Variants in SLC7A14 observed in about 807,000 individuals in gnomAD.
The protein encoded by SLC7A14 is gamma-aminobutyric acid transporter SLC7A14.
A neutral mutation model predicts 60.2 loss-of-function variants in SLC7A14; 37 were observed. The ratio of observed to expected loss-of-function variants is 0.61; its 90% CI spans 0.47 to 0.81. The LOEUF (loss-of-function observed/expected upper bound fraction) is 0.81, where lower values mean the gene tolerates loss of function less well. SLC7A14 is among the 30% of genes least tolerant of loss of function. The pLI, the probability that SLC7A14 is intolerant of heterozygous loss-of-function variation, is 0.00. For synonymous variants in SLC7A14, 399 were observed against 395.8 expected, an observed-to-expected ratio of 1.01 and a Z score of -0.10; for missense variants, 886 against 982.7, an observed-to-expected ratio of 0.90 and a Z score of 1.32.
Position 170,486,290 on chromosome 3 carries a change from T to C in SLC7A14, c.838A>G (p.Asn280Asp), listed in dbSNP as rs774477328. The C allele has an allele frequency of 9.9e-6, 16 of 1,614,116 alleles. No homozygotes were observed. The East Asian group carries it at 3.1e-4, about 31-fold the overall frequency. The change falls in exon 5 of 8, where the codon AAT (asparagine) becomes GAT (aspartate). Residue 280 changes from asparagine to aspartate, a missense_variant. Coordinates refer to ENST00000231706, the MANE Select transcript of SLC7A14 (RefSeq NM_020949.3). Reference protein sequence around the residue: ...IIATTGEEAKNPNTSIPYAIT... With the variant: ...IIATTGEEAKDPNTSIPYAIT... ...GCATAAGGGATGGACGTGTTGGGAT[T>C]CTTGGCTTCCTCTCCAGTGGTGGCG... is the stretch of plus-strand genomic sequence containing the variant.
chr3:170,585,587 C>G lies in SLC7A14; in HGVS notation c.-153+324G>C, dbSNP rs549333074. Reference sequence around the variant, plus strand: ...CGCGGCTCCCCTTCTGCCTCCCGCTCTAGCGGCGCCGGAGCCGCGCTGGCC... The same window carrying G: ...CGCGGCTCCCCTTCTGCCTCCCGCTGTAGCGGCGCCGGAGCCGCGCTGGCC... On this transcript the variant is annotated intron_variant, in intron 1 of 7. Coordinates refer to ENST00000231706, the MANE Select transcript of SLC7A14 (RefSeq NM_020949.3). This position sits in a 1 kb window ranked among gnomAD's most constrained non-coding sequence, Gnocchi z 5.1. 2.0e-5 allele frequency among the ~76,000 whole-genome samples: 3 copies of G among 152,286 alleles called. No homozygotes were observed. In the South Asian group the frequency reaches 6.2e-4, roughly 32 times the overall value.
At chr3:170,512,412 G>C (rs1713007067) in intron 2 of SLC7A14, among the ~76,000 whole-genome samples, 1 of 152,148 alleles carries the variant, frequency 6.6e-6, no homozygotes, top group South Asian at 2.1e-4. Flanking sequence ...TCATGACAGG[G>C]ATGCCAACAC....
At chr3:170,508,466 G>A (rs993835518) in intron 2 of SLC7A14, among the ~76,000 whole-genome samples, 4 of 152,190 alleles carry the variant, frequency 2.6e-5, no homozygotes, top group Admixed American at 1.3e-4. Context: ...TTCACACTGG[G>A]TAGGCAGGAA....
At chr3:170,513,968 ACTT>A (rs961533050) in intron 2 of SLC7A14, among the ~76,000 whole-genome samples, 21 of 152,156 alleles carry the variant, frequency 1.4e-4, no homozygotes, top group African/African-American at 5.1e-4. Flanking sequence ...TCTTCTGCCC[ACTT>A]CTTTTCTTTC....
At chr3:170,501,861 A>C (rs1331160898) in intron 2 of SLC7A14, among the ~76,000 whole-genome samples, 1 of 152,268 alleles carries the variant, frequency 6.6e-6, no homozygotes, top group Non-Finnish European at 1.5e-5. Context: ...AATTATTAAC[A>C]AGGAAATCTA....
chr3:170,504,011 C>A (rs1712691013), intron 2 of SLC7A14, among the ~76,000 whole-genome samples: 1 of 152,168 alleles, frequency 6.6e-6, no homozygotes, highest in African/African-American at 2.4e-5. Context: ...ACTAACCATA[C>A]AAGACAATTT....
At chr3:170,490,266 C>A (rs551921615) in intron 4 of SLC7A14, among the ~76,000 whole-genome samples, 1 of 152,184 alleles carries the variant, frequency 6.6e-6, no homozygotes, top group African/African-American at 2.4e-5. Context: ...GTCCTGCTTT[C>A]TCTTCCTTTA....
chr3:170,549,858 T>A (rs1004019169), intron 1 of SLC7A14, among the ~76,000 whole-genome samples: 5 of 152,194 alleles, frequency 3.3e-5, no homozygotes, highest in African/African-American at 1.2e-4. Context: ...ACAGTGAGGA[T>A]GGAAAGCAAT....
intron 1 of SLC7A14, among the ~76,000 whole-genome samples, chr3:170,536,960 G>A (rs1018782499): frequency 3.9e-5 from 6 of 152,140 alleles, no homozygotes; most frequent in Non-Finnish European, 5.9e-5. Context: ...CTGGCTGGAT[G>A]CCCATCTCAG....
chr3:170,580,666 G>C (rs2108319470), intron 1 of SLC7A14, among the ~76,000 whole-genome samples: 1 of 152,226 alleles, frequency 6.6e-6, no homozygotes, highest in Admixed American at 6.5e-5. Context: ...CTAAACAAAG[G>C]TAAACTAGAT....
chr3:170,511,226 C>T (rs1712970993), intron 2 of SLC7A14, among the ~76,000 whole-genome samples: 1 of 151,918 alleles, frequency 6.6e-6, no homozygotes, highest in African/African-American at 2.4e-5. Flanking sequence ...GGAGAAACCC[C>T]ATCTCTAACA....
chr3:170,486,335 A>AAGCGT lies in SLC7A14; in HGVS notation c.788_792dup (p.Phe265ThrfsTer35). On this transcript the variant is annotated frameshift_variant, in exon 5 of 8. Transcript: ENST00000231706. LOFTEE classifies it high-confidence loss of function. ...GTGGCGATGATGTCAAAGCCAATGA[A>AAGCGT]AGCGTAGAAGCATGTTGCTGCTCCT... is the stretch of plus-strand genomic sequence containing the variant. 6.2e-7 allele frequency: 1 copy of AAGCGT among 1,614,216 alleles called. No individual in the cohort carries two copies. Among genetic ancestry groups the AAGCGT allele is most frequent in the Non-Finnish European group, 8.5e-7 (1 of 1,180,024 alleles).
intron 4 of SLC7A14, among the ~76,000 whole-genome samples, chr3:170,492,832 C>T (rs547009808): frequency 5.1e-4 from 77 of 152,262 alleles, no homozygotes; most frequent in Middle Eastern, 3.4e-3. Flanking sequence ...GATAATTAGG[C>T]GCCTTTATGT....
chr3:170,476,169 C>T (rs1267153193), intron 7 of SLC7A14, among the ~76,000 whole-genome samples: 2 of 152,166 alleles, frequency 1.3e-5, no homozygotes, highest in Non-Finnish European at 2.9e-5. Flanking sequence ...GCCACCAGAC[C>T]AATTGAATCA....
At chr3:170,547,681 G>A (rs73879208) in intron 1 of SLC7A14, among the ~76,000 whole-genome samples, 3,826 of 152,210 alleles carry the variant, frequency 0.025, 153 homozygotes, top group African/African-American at 0.086. Flanking sequence ...AGCAAAGGTG[G>A]AAGAGGTGAA....
At chr3:170,478,321 GC>G (rs1487561206) in intron 7 of SLC7A14, among the ~76,000 whole-genome samples, 21 of 152,252 alleles carry the variant, frequency 1.4e-4, no homozygotes, top group Admixed American at 1.4e-3. Context: ...CAGGTGATCT[GC>G]CCTCCTCGGC....
intron 2 of SLC7A14, among the ~76,000 whole-genome samples, chr3:170,510,263 A>G (rs1208322669): frequency 6.6e-6 from 1 of 150,804 alleles, no homozygotes; most frequent in Non-Finnish European, 1.5e-5. Flanking sequence ...GTTGGAGGGC[A>G]CCTGTAATTC....
At chr3:170,490,454 A>G (rs1016762761) in intron 4 of SLC7A14, among the ~76,000 whole-genome samples, 1 of 152,366 alleles carries the variant, frequency 6.6e-6, no homozygotes. Context: ...ACTTGGCACA[A>G]CAACCATATA....
chr3:170,486,417 T>A (rs74330815), intron 4 of SLC7A14, 49 bp from the exon 5 acceptor site: 131,471 of 1,613,000 alleles, frequency 0.082, 9,396 homozygotes, highest in African/African-American at 0.37. Flanking sequence ...GGGTGGCACC[T>A]GGGTCTTAAA....
Sources: gnomAD v4.1 joint callset for allele counts (sites outside exome capture counted in the v4.1 genomes callset) on GRCh38, gnomAD v4.1.1 for gene constraint, Gnocchi (gnomAD v3.1) non-coding constraint, MANE v1.5 for transcripts, NCBI Gene and HGNC (gene_info 2026-07-23, HGNC 2026-07-21) for gene names.